Variants in MALRD1 observed in about 807,000 individuals in gnomAD.
MALRD1 encodes the protein MAM and LDL receptor class A domain containing 1, also known as MAM and LDL-receptor class A domain-containing protein 1.
Under a neutral mutation model 242.1 loss-of-function variants are expected in MALRD1, and 247 were observed. That is an observed-to-expected ratio of 1.02 (90% confidence interval 0.92 to 1.13). The LOEUF is 1.13. Ranked by LOEUF, MALRD1 falls within the 50% of genes most tolerant of loss-of-function variation. MALRD1 has a pLI of 0.00. For synonymous variants in MALRD1, 995 were observed against 866.6 expected (o/e 1.15, Z -2.60); for missense variants, 2,989 against 2,533.1 (o/e 1.18, Z -3.86).
intron 9 of MALRD1, among the ~76,000 whole-genome samples, chr10:19,135,763 T>C (rs77568841): frequency 0.011 from 1,653 of 152,286 alleles, 29 homozygotes; most frequent in African/African-American, 0.038. Flanking sequence ...CAGCAAATAA[T>C]TGGTTATCTG....
chr10:19,534,500 C>T (rs930642827), intron 32 of MALRD1, among the ~76,000 whole-genome samples: 2 of 152,096 alleles, frequency 1.3e-5, no homozygotes, highest in African/African-American at 4.8e-5. Context: ...GAGATGTGGA[C>T]CCATGTTTGT....
chr10:19,256,049 A>G (rs1839494852), intron 18 of MALRD1, among the ~76,000 whole-genome samples: 1 of 152,086 alleles, frequency 6.6e-6, no homozygotes, highest in South Asian at 2.1e-4. Context: ...AGCTACTTAT[A>G]TGTACAACAG....
chr10:19,144,784 A>T (rs1239837582), intron 10 of MALRD1, among the ~76,000 whole-genome samples: 1 of 152,046 alleles, frequency 6.6e-6, no homozygotes. Context: ...TCATGTTCTG[A>T]GTTCCAATTT....
chr10:19,409,457 A>G (rs1833181004), intron 28 of MALRD1, among the ~76,000 whole-genome samples: 1 of 152,086 alleles, frequency 6.6e-6, no homozygotes, highest in South Asian at 2.1e-4. Flanking sequence ...CCCATCTTTA[A>G]AAAAAATAAA....
At chr10:19,182,081 C>G (rs1835531331) in intron 14 of MALRD1, among the ~76,000 whole-genome samples, 1 of 151,848 alleles carries the variant, frequency 6.6e-6, no homozygotes, top group African/African-American at 2.4e-5. Context: ...TTCTAGTTTT[C>G]TTGCTGTGTA....
Position 19,355,843 on chromosome 10 carries a change from T to TTATA in MALRD1, c.4441+3558_4441+3561dup, listed in dbSNP as rs1554838608. 1.7e-4 allele frequency among the ~76,000 whole-genome samples: 5 copies of TTATA among 29,208 alleles called. No individual in the cohort carries two copies. The South Asian group carries it at 2.9e-3, about 17-fold the overall frequency. 19.2% of individuals were successfully genotyped at this position (29,208 alleles called of 152,430 possible). Reference sequence around the variant, plus strand: ...TGATATTTTTAGGGAAGAACATATATTATATATATATATATTATATATGAT... The same window carrying TTATA: ...TGATATTTTTAGGGAAGAACATATATTATATATATATATATATATTATATATGAT... On this transcript the variant is annotated intron_variant, in intron 26 of 39. Coordinates refer to ENST00000454679, the MANE Select transcript of MALRD1 (RefSeq NM_001142308.3).
In MALRD1 at chr10:19,498,634, G is replaced by A; in HGVS notation, c.5308G>A (p.Asp1770Asn). ...TGCCAAAGCATTAATTCCAGACTCTGATCACACGCCAGGTAAATCTAGTAG... is the reference window on the plus strand; with the variant it reads ...TGCCAAAGCATTAATTCCAGACTCTAATCACACGCCAGGTAAATCTAGTAG... ...IPAKALIPDS[D>N]HTPGSGQHFL... The change falls in exon 31 of 40, where the codon GAT becomes AAT. Residue 1770 changes from aspartate (D) to asparagine (N), a missense_variant. Coordinates refer to ENST00000454679, the MANE Select transcript of MALRD1 (RefSeq NM_001142308.3). 1 of 1,549,624 alleles carries A rather than the reference G, an allele frequency of 6.5e-7. No homozygotes were observed. Among genetic ancestry groups the A allele is most frequent in the Non-Finnish European group, 8.7e-7 (1 of 1,146,410 alleles).
chr10:19,720,068 A>G (rs1037467307), intron 38 of MALRD1, among the ~76,000 whole-genome samples: 10 of 152,202 alleles, frequency 6.6e-5, no homozygotes, highest in Admixed American at 1.3e-4. Flanking sequence ...AGACTTTTAT[A>G]ACAGATCTAA....
At chr10:19,592,767 G>GTGCA (rs1554808927) in intron 33 of MALRD1, among the ~76,000 whole-genome samples, 47 of 104,594 alleles carry the variant, frequency 4.5e-4, no homozygotes, top group African/African-American at 1.5e-3. Context: ...ACACACGCAC[G>GTGCA]CACACACACA....
At position 19,458,865 on chromosome 10, in the gene MALRD1, C is replaced by G. The variant is rs146119830; in HGVS notation, c.5029+8375C>G. Among the ~76,000 whole-genome samples, 1,149 of 151,038 alleles carry G rather than the reference C, an allele frequency of 7.6e-3. 9 individuals are homozygous for G. Among genetic ancestry groups the G allele is most frequent in the Non-Finnish European group, 0.013 (851 of 67,808 alleles). ...CTGTAGATGAGAATCTCTTAGCCAA[C>G]TTGTTTTTTAGATATGTATAGTTGA... On this transcript the variant is annotated intron_variant, in intron 29 of 39. Coordinates refer to ENST00000454679, the MANE Select transcript of MALRD1 (RefSeq NM_001142308.3).
At position 19,627,178 on chromosome 10, in the gene MALRD1, A is replaced by G. The variant is rs576274298; in HGVS notation, c.6137+11255A>G. 2.0e-5 allele frequency among the ~76,000 whole-genome samples: 3 copies of G among 152,316 alleles called. No homozygotes were observed. In the South Asian group the frequency reaches 6.2e-4, roughly 32 times the overall value. On this transcript the variant is annotated intron_variant, in intron 36 of 39. Transcript: ENST00000454679. ...ATTTAAAATGTAAATTATTATTGAC[A>G]TAACACACAGGAATTAACTTCAGAA...
chr10:19,599,335 C>A (rs146364446), intron 34 of MALRD1, among the ~76,000 whole-genome samples: 2 of 151,914 alleles, frequency 1.3e-5, no homozygotes, highest in Non-Finnish European at 2.9e-5. Flanking sequence ...GTGAGTTCAA[C>A]GTTTAAGAAC....
intron 36 of MALRD1, among the ~76,000 whole-genome samples, chr10:19,654,521 G>T (rs1390926631): frequency 1.3e-5 from 2 of 152,272 alleles, no homozygotes; most frequent in East Asian, 3.9e-4. Flanking sequence ...ATATTAAATA[G>T]TGAAGTTGCT....
intron 32 of MALRD1, among the ~76,000 whole-genome samples, chr10:19,536,842 A>T (rs574052903): frequency 1.3e-5 from 2 of 152,322 alleles, no homozygotes; most frequent in African/African-American, 4.8e-5. Flanking sequence ...TCCATTTGTC[A>T]TACAGCACTG....
chr10:19,070,174 G>A (rs984616718), intron 2 of MALRD1, among the ~76,000 whole-genome samples: 1 of 152,028 alleles, frequency 6.6e-6, no homozygotes, highest in African/African-American at 2.4e-5. Flanking sequence ...AAGTACAGAT[G>A]CTCCTCAAAT....
intron 36 of MALRD1, among the ~76,000 whole-genome samples, chr10:19,686,458 T>C (rs1842585890): frequency 6.6e-6 from 1 of 152,176 alleles, no homozygotes; most frequent in South Asian, 2.1e-4. Context: ...ATATACCAGT[T>C]AAACTCTGCC....
intron 28 of MALRD1, among the ~76,000 whole-genome samples, chr10:19,441,799 T>C (rs1834668582): frequency 1.4e-5 from 2 of 138,454 alleles, no homozygotes; most frequent in African/African-American, 5.4e-5. Context: ...GGCTTAGGAT[T>C]GTCTTGACAA....
chr10:19,575,578 T>C (rs566209883), intron 33 of MALRD1, among the ~76,000 whole-genome samples: 1 of 152,170 alleles, frequency 6.6e-6, no homozygotes, highest in African/African-American at 2.4e-5. Context: ...TTTTTCATAA[T>C]AAGGATATTT....
chr10:19,712,114 T>C (rs1243424668), intron 38 of MALRD1, among the ~76,000 whole-genome samples: 1 of 152,146 alleles, frequency 6.6e-6, no homozygotes, highest in East Asian at 1.9e-4. Flanking sequence ...TCAATTTCTA[T>C]GTTTAGTCAA....
Sources: allele counts gnomAD v4.1 joint callset (sites outside exome capture counted in the v4.1 genomes callset), GRCh38; gene constraint gnomAD v4.1.1; transcripts MANE v1.5; gene names NCBI Gene and HGNC (gene_info 2026-07-23, HGNC 2026-07-21).